Variants in PRPS2 observed in about 807,000 individuals in gnomAD.
PRPS2 encodes the protein ribose-phosphate pyrophosphokinase 2.
For synonymous variants in PRPS2, 111 were observed against 115.3 expected (o/e 0.96, Z 0.24); for missense variants, 104 against 271.5 (o/e 0.38, Z 4.34).
At chrX:12,806,772 C>T (rs2147218501) in intron 2 of PRPS2, among the ~76,000 whole-genome samples, 1 of 112,419 alleles carries the variant, frequency 8.9e-6, no homozygotes, top group South Asian at 3.7e-4. Context: ...ATACCACACA[C>T]TGGGTAATTT....
chrX:12,799,225 C>T lies in PRPS2; in HGVS notation c.141C>T (p.Ser47=), dbSNP rs749396020. 1.7e-6 allele frequency: 2 copies of T among 1,210,439 alleles called. No homozygotes were observed. Among genetic ancestry groups the T allele is most frequent in the South Asian group, 1.8e-5 (1 of 56,727 alleles). The part of the protein sequence containing the change: ...NQETSVEIGE[S]VRGEDVYIIQ... ...TTCCTAGCGTGGAGATTGGTGAAAG[C>T]GTGAGAGGGGAAGATGTCTACATCA... Residue 47 remains serine (S), a synonymous_variant, in exon 2 of 7, where the codon AGC becomes AGT. Coordinates refer to ENST00000380668, the MANE Select transcript of PRPS2 (RefSeq NM_002765.5).
At position 12,811,717 on chromosome X, in the gene PRPS2, C is replaced by T. The variant is rs1386122196; in HGVS notation, c.530+1571C>T. On this transcript the variant is annotated intron_variant, in intron 4 of 6. Transcript: ENST00000380668. The stretch of plus-strand genomic sequence containing the variant: ...TTGGCACCCTCATCTGCCTGCAGCC[C>T]AGCTGAGGACCTAGGATCTAACACA... 3.6e-5 allele frequency among the ~76,000 whole-genome samples: 4 copies of T among 112,020 alleles called. No individual in the cohort carries two copies. The Admixed American group carries it at 3.8e-4, about 11-fold the overall frequency.
intron 4 of PRPS2, among the ~76,000 whole-genome samples, 187 bp from the exon 5 acceptor site, chrX:12,819,320 C>T (rs867233120): frequency 8.9e-6 from 1 of 112,210 alleles, no homozygotes; most frequent in Non-Finnish European, 1.9e-5. Flanking sequence ...TTGCAAGGTC[C>T]GCCATTAGCA....
At chrX:12,802,495 G>A (rs992158561) in intron 2 of PRPS2, among the ~76,000 whole-genome samples, 3 of 111,381 alleles carry the variant, frequency 2.7e-5, no homozygotes, top group Non-Finnish European at 3.8e-5. Context: ...GCGCCACGAC[G>A]CCTGGCTAAT....
chrX:12,793,583 T>C (rs1163896258), intron 1 of PRPS2, among the ~76,000 whole-genome samples: 2 of 112,690 alleles, frequency 1.8e-5, no homozygotes, highest in Non-Finnish European at 3.7e-5. Flanking sequence ...CTTTTCTCTT[T>C]TCCATGAACT....
At chrX:12,820,332 C>T (rs146249427) in intron 5 of PRPS2, among the ~76,000 whole-genome samples, 27 of 111,295 alleles carry the variant, frequency 2.4e-4, no homozygotes, top group Non-Finnish European at 4.1e-4. Context: ...TTTGTTGTCA[C>T]GGCTGAGGGG....
intron 6 of PRPS2, among the ~76,000 whole-genome samples, chrX:12,821,118 C>T (rs181451538): frequency 2.0e-4 from 22 of 111,937 alleles, no homozygotes; most frequent in African/African-American, 7.1e-4. Flanking sequence ...GTATATGCCC[C>T]CCAAATTTGG....
intron 2 of PRPS2, among the ~76,000 whole-genome samples, chrX:12,808,804 C>T (rs185109163): frequency 8.0e-4 from 89 of 111,701 alleles, no homozygotes; most frequent in Non-Finnish European, 1.1e-3. Flanking sequence ...CTATTCTCCT[C>T]GCCTTTGCTA....
intron 2 of PRPS2, among the ~76,000 whole-genome samples, chrX:12,808,015 C>A (rs1392772449): frequency 1.8e-5 from 2 of 108,604 alleles, no homozygotes; most frequent in African/African-American, 6.7e-5. Flanking sequence ...CTACAGGCGC[C>A]CGCCACCACG....
intron 6 of PRPS2, among the ~76,000 whole-genome samples, chrX:12,821,195 T>G (rs2042673782): frequency 8.9e-6 from 1 of 111,814 alleles, no homozygotes; most frequent in Non-Finnish European, 1.9e-5. Context: ...AACCAAAAGG[T>G]AGAACCACCC....
chrX:12,817,822 G>T (rs149664017), intron 4 of PRPS2, among the ~76,000 whole-genome samples: 4,342 of 111,430 alleles, frequency 0.039, 220 homozygotes, highest in African/African-American at 0.14. Context: ...CGTATTTTAT[G>T]ATTCCATTTA....
intron 1 of PRPS2, among the ~76,000 whole-genome samples, chrX:12,796,989 CAG>C (rs1329826271): frequency 1.9e-5 from 2 of 107,835 alleles, no homozygotes; most frequent in Non-Finnish European, 3.8e-5. Context: ...TGTCGACACT[CAG>C]AAAGTTTCGG....
At chrX:12,808,610 C>A (rs2042606600) in intron 2 of PRPS2, among the ~76,000 whole-genome samples, 1 of 112,357 alleles carries the variant, frequency 8.9e-6, no homozygotes, top group Non-Finnish European at 1.9e-5. Flanking sequence ...AATCCCCTTA[C>A]AGTATTCATT....
intron 4 of PRPS2, among the ~76,000 whole-genome samples, chrX:12,813,147 T>C (rs1250663297): frequency 8.9e-6 from 1 of 112,449 alleles, no homozygotes; most frequent in Admixed American, 9.4e-5. Context: ...ATTGTGTTAT[T>C]TAAGCGTATA....
chrX:12,801,363 C>T (rs62589394), intron 2 of PRPS2, among the ~76,000 whole-genome samples: 25,116 of 110,465 alleles, frequency 0.23, 2,305 homozygotes, highest in Non-Finnish European at 0.3. Flanking sequence ...ACAGACAGCT[C>T]CTTTTATTTT....
chrX:12,791,774 C>T (rs1181148383), intron 1 of PRPS2, among the ~76,000 whole-genome samples, 155 bp downstream of exon 1: 2 of 110,216 alleles, frequency 1.8e-5, no homozygotes, highest in African/African-American at 3.2e-5. Context: ...CGCCCCCGCG[C>T]CCGCGCCTGC....
intron 2 of PRPS2, among the ~76,000 whole-genome samples, chrX:12,807,415 T>C (rs1169312507): frequency 8.9e-6 from 1 of 112,471 alleles, no homozygotes; most frequent in Non-Finnish European, 1.9e-5. Context: ...GATTCGACAA[T>C]TGTAGGAAAA....
intron 4 of PRPS2, among the ~76,000 whole-genome samples, chrX:12,811,512 A>C (rs1396648402): frequency 8.9e-6 from 1 of 111,836 alleles, no homozygotes; most frequent in Non-Finnish European, 1.9e-5. Context: ...GAAGAAAAAA[A>C]GCTGGGAAGG....
At chrX:12,804,919 A>G (rs1358216485) in intron 2 of PRPS2, among the ~76,000 whole-genome samples, 1 of 111,081 alleles carries the variant, frequency 9.0e-6, no homozygotes, top group Non-Finnish European at 1.9e-5. Context: ...TGACAATGAA[A>G]TTCTGTGTAA....
Sources: gnomAD v4.1 joint callset for allele counts (sites outside exome capture counted in the v4.1 genomes callset) on GRCh38, gnomAD v4.1.1 for gene constraint, MANE v1.5 for transcripts, NCBI Gene and HGNC (gene_info 2026-07-23, HGNC 2026-07-21) for gene names.